The following TMC2 variants were observed in gnomAD, a reference collection of about 807,000 sequenced individuals.
TMC2 encodes the protein transmembrane channel like 2, also known as transmembrane channel-like protein 2.
A neutral mutation model predicts 105.9 loss-of-function variants in TMC2; 102 were observed. The observed-to-expected ratio is 0.96, with a 90% confidence interval of 0.82 to 1.14. The LOEUF is 1.14. Among genes scored for constraint, TMC2 ranks in the 50% most tolerant of loss-of-function variants. The pLI is 0.00. For missense variants in TMC2, 1,093 were observed against 1,134.3 expected (o/e 0.96, Z 0.52); for synonymous variants, 402 against 422.8 (o/e 0.95, Z 0.60).
At chr20:2,580,679 C>T (rs2086183051) in intron 7 of TMC2, among the ~76,000 whole-genome samples, 1 of 152,074 alleles carries the variant, frequency 6.6e-6, no homozygotes, top group Non-Finnish European at 1.5e-5. Flanking sequence ...AACTCCTGGG[C>T]TCAAGTAGCT....
intron 7 of TMC2, among the ~76,000 whole-genome samples, chr20:2,581,600 A>G (rs1047681768): frequency 6.6e-6 from 1 of 152,226 alleles, no homozygotes; most frequent in Non-Finnish European, 1.5e-5. Flanking sequence ...TCGGTAGTCA[A>G]TGGGGAAATT....
At chr20:2,607,406 C>T (rs1305570009) in intron 11 of TMC2, among the ~76,000 whole-genome samples, 1 of 152,144 alleles carries the variant, frequency 6.6e-6, no homozygotes, top group Non-Finnish European at 1.5e-5. Flanking sequence ...TCATGTTGTG[C>T]CCTGTCCTGT....
intron 4 of TMC2, among the ~76,000 whole-genome samples, chr20:2,568,555 T>C (rs1392139035): frequency 2.6e-5 from 4 of 152,218 alleles, no homozygotes; most frequent in African/African-American, 9.6e-5. Context: ...GAGCTGCCCC[T>C]ACTTTTGAGA....
rs2086482801 is a variant in TMC2, at chr20:2,616,459, C to T, written c.1940+255C>T. Among the ~76,000 whole-genome samples, 1 of 148,052 alleles carries T rather than the reference C, an allele frequency of 6.8e-6. No individual in the cohort carries two copies. The highest frequency in any genetic ancestry group is 2.1e-4 in the South Asian group (1 of 4,730). ...AGGAGAAAAGGAAAAGGAAGGAAGG[C>T]AGGAGAGAAGGAGAAGAGGGAAGAA... On this transcript the variant is annotated intron_variant, in intron 15 of 19. Transcript: ENST00000358864. This position sits in a 1 kb window ranked among gnomAD's most constrained non-coding sequence, Gnocchi z 4.8.
intron 4 of TMC2, among the ~76,000 whole-genome samples, chr20:2,568,462 G>T (rs2086079539): frequency 6.6e-6 from 1 of 152,140 alleles, no homozygotes; most frequent in Non-Finnish European, 1.5e-5. Context: ...CTGTTCTCTT[G>T]GGGGTTTGCT....
chr20:2,558,922 T>A lies in TMC2; in HGVS notation c.401+148T>A, dbSNP rs4815320. On this transcript the variant is annotated intron_variant, in intron 3 of 19. Transcript: ENST00000358864. This position sits in a 1 kb window ranked among gnomAD's most constrained non-coding sequence, Gnocchi z 4.6. ...TCTGGCTTCCGTGCCTCCCAGCCCTTACCACTGCCCCACTCTGCGGTGGGT... is the reference window on the plus strand; with the variant it reads ...TCTGGCTTCCGTGCCTCCCAGCCCTAACCACTGCCCCACTCTGCGGTGGGT... 406,235 of 777,292 alleles carry A rather than the reference T, an allele frequency of 0.52. 107,977 individuals are homozygous for A. The highest frequency in any genetic ancestry group is 0.62 in the African/African-American group (34,961 of 56,730). 48.1% of individuals were successfully genotyped at this position (777,292 alleles called of 1,614,324 possible).
chr20:2,641,249 A>G lies in TMC2; in HGVS notation c.2619A>G (p.Ile873Met). 6.2e-7 allele frequency: 1 copy of G among 1,614,046 alleles called. No individual in the cohort carries two copies. The highest frequency in any genetic ancestry group is 1.3e-5 in the African/African-American group (1 of 74,988). ...TGCCTGCCTCTGGACACCTTCCTATATCTCGGCCCCCTGGAATCGGACCAG... is the reference window on the plus strand; with the variant it reads ...TGCCTGCCTCTGGACACCTTCCTATGTCTCGGCCCCCTGGAATCGGACCAG... ...TTLPASGHLPISRPPGIGPDS... is the reference protein window; with the variant it reads ...TTLPASGHLPMSRPPGIGPDS... The change falls in exon 20 of 20, where the codon ATA (isoleucine) becomes ATG (methionine). Residue 873 changes from isoleucine to methionine, a missense_variant. Transcript: ENST00000358864.
chr20:2,634,140 G>A (rs576876487), intron 17 of TMC2, among the ~76,000 whole-genome samples: 2 of 152,278 alleles, frequency 1.3e-5, no homozygotes, highest in Admixed American at 1.3e-4. Context: ...CCTCATCAGG[G>A]CTCTCTTCAG....
chr20:2,545,383 T>G (rs2085916430), intron 2 of TMC2, among the ~76,000 whole-genome samples: 1 of 152,176 alleles, frequency 6.6e-6, no homozygotes, highest in African/African-American at 2.4e-5. Context: ...ACTGACCTCG[T>G]TTTCCTAGAG....
At position 2,558,739 on chromosome 20, in the gene TMC2, G is replaced by A; in HGVS notation, c.366G>A (p.Arg122=). ...CAAAGAGGGAAAAGGAGATTCCGAG[G>A]AGGGAGGAGAAGTCGAAGCGGCAGA... ...AAPKREKEIP[R]REEKSKRQKK... is the part of the protein sequence containing the mutation. The change falls in exon 3 of 20, where the codon AGG becomes AGA. Residue 122 remains arginine, a synonymous_variant. Transcript: ENST00000358864. This position sits in a 1 kb window ranked among gnomAD's most constrained non-coding sequence, Gnocchi z 4.6. 6.3e-7 allele frequency: 1 copy of A among 1,577,146 alleles called. No individual in the cohort carries two copies.
chr20:2,543,134 G>A (rs1390435206), intron 2 of TMC2, among the ~76,000 whole-genome samples: 9 of 152,024 alleles, frequency 5.9e-5, no homozygotes, highest in Admixed American at 2.0e-4. Flanking sequence ...CTACTCAGGA[G>A]GCTGAGGCAG....
chr20:2,561,393 T>C (rs2086024978), intron 3 of TMC2, among the ~76,000 whole-genome samples: 1 of 152,178 alleles, frequency 6.6e-6, no homozygotes, highest in Non-Finnish European at 1.5e-5. Flanking sequence ...GCAGTATGAG[T>C]ACAAAATGAA....
chr20:2,580,828 A>G (rs2086184211), intron 7 of TMC2, among the ~76,000 whole-genome samples: 1 of 152,214 alleles, frequency 6.6e-6, no homozygotes, highest in Non-Finnish European at 1.5e-5. Context: ...GGTAATGAGC[A>G]ATTTGTGCAA....
At chr20:2,609,147 C>G (rs1274937351) in intron 11 of TMC2, among the ~76,000 whole-genome samples, 1 of 152,182 alleles carries the variant, frequency 6.6e-6, no homozygotes, top group African/African-American at 2.4e-5. Flanking sequence ...GATTAGGACC[C>G]AGTACCTGTC....
chr20:2,609,636 A>G (rs1568523213), intron 11 of TMC2, among the ~76,000 whole-genome samples: 1 of 152,154 alleles, frequency 6.6e-6, no homozygotes, highest in Non-Finnish European at 1.5e-5. Flanking sequence ...AATTAGGCTG[A>G]ACACTACACA....
At chr20:2,611,602 C>T (rs998585737) in intron 12 of TMC2, among the ~76,000 whole-genome samples, 1 of 152,126 alleles carries the variant, frequency 6.6e-6, no homozygotes, top group African/African-American at 2.4e-5. Context: ...TGCTCCTTTT[C>T]CCAGAGAGAA....
intron 7 of TMC2, among the ~76,000 whole-genome samples, chr20:2,583,365 G>C (rs771526442): frequency 2.0e-5 from 3 of 152,148 alleles, no homozygotes; most frequent in Non-Finnish European, 4.4e-5. Flanking sequence ...ACAGATTGGA[G>C]ATGCCCACCT....
intron 2 of TMC2, among the ~76,000 whole-genome samples, chr20:2,543,978 T>C (rs2085907818): frequency 6.6e-6 from 1 of 150,890 alleles, no homozygotes; most frequent in Admixed American, 6.6e-5. Flanking sequence ...CTTGGCTCAC[T>C]GCAACCTCCA....
intron 5 of TMC2, 137 bp from the exon 6 acceptor site, chr20:2,579,009 G>T: frequency 3.1e-6 from 2 of 639,546 alleles, no homozygotes; most frequent in Non-Finnish European, 5.7e-6. Context: ...GACAGCAGGA[G>T]CTGGGGACTG....
Sources: allele counts gnomAD v4.1 joint callset (sites outside exome capture counted in the v4.1 genomes callset), GRCh38; gene constraint gnomAD v4.1.1; non-coding constraint Gnocchi (gnomAD v3.1); transcripts MANE v1.5; gene names NCBI Gene and HGNC (gene_info 2026-07-23, HGNC 2026-07-21).